MTIF2: variants seen among roughly 807,000 people sequenced by gnomAD.
MTIF2 encodes mitochondrial translational initiation factor 2.
MTIF2 carries 71 observed loss-of-function variants against 83.5 expected under a neutral mutation model. The observed-to-expected ratio is 0.85, with a 90% confidence interval of 0.70 to 1.04. The LOEUF is 1.04. Among genes scored for constraint, MTIF2 ranks in the 50% least tolerant of loss-of-function variants. The pLI is 0.00. For missense variants in MTIF2, 957 were observed against 846.5 expected, an observed-to-expected ratio of 1.13 and a Z score of -1.62; for synonymous variants, 319 against 287.1, an observed-to-expected ratio of 1.11 and a Z score of -1.12.
intron 3 of MTIF2, among the ~76,000 whole-genome samples, chr2:55,264,625 T>C (rs1376709788): frequency 1.3e-5 from 2 of 152,162 alleles, no homozygotes; most frequent in Non-Finnish European, 2.9e-5. Flanking sequence ...TGGTTTCTCA[T>C]CTCAGCTCTG....
intron 13 of MTIF2, among the ~76,000 whole-genome samples, chr2:55,241,941 G>A (rs1676346377): frequency 6.6e-6 from 1 of 151,898 alleles, no homozygotes; most frequent in South Asian, 2.1e-4. Flanking sequence ...TAGGTCAGGG[G>A]TTCAAGACCA....
chr2:55,254,584 C>T (rs1677368794), intron 6 of MTIF2, 70 bp downstream of exon 6: 2 of 1,272,224 alleles, frequency 1.6e-6, no homozygotes, highest in Non-Finnish European at 2.1e-6. Context: ...GCAAATCTTT[C>T]CATTAAAAAG....
In MTIF2 at chr2:55,236,668, A is replaced by T; in HGVS notation, c.2164T>A (p.Ser722Thr). 6.3e-7 allele frequency: 1 copy of T among 1,591,662 alleles called. No individual in the cohort carries two copies. The highest frequency in any genetic ancestry group is 8.5e-7 in the Non-Finnish European group (1 of 1,173,962). The change falls in exon 16 of 16, where the codon TCT becomes ACT. Residue 722 changes from serine (S) to threonine (T), a missense_variant. Ser to Thr is a moderately conservative substitution (Grantham distance 58). Coordinates refer to ENST00000263629, the MANE Select transcript of MTIF2 (RefSeq NM_002453.3). ...TAATTTTAAAATCCTGGATCCCAAGAAGTCTTGGCTTGAATTTGCTTTTCT... is the reference window on the plus strand; with the variant it reads ...TAATTTTAAAATCCTGGATCCCAAGTAGTCTTGGCTTGAATTTGCTTTTCT... ...YEEKQIQAKT[S>T]WDPGF
rs34174245 is a variant in MTIF2 at position 55,236,749 on chromosome 2, T to C, written c.2083A>G (p.Ser695Gly). Reference protein sequence around the residue: ...IVKTGMDCGLSLDEDNMEFQV... With the variant: ...IVKTGMDCGLGLDEDNMEFQV... ...AATTCCATATTGTCTTCATCTAAAC[T>C]GAGACCACAATCCATTCCCGTTTTG... The change falls in exon 16 of 16, where the codon AGT (serine) becomes GGT (glycine). Residue 695 changes from serine (S) to glycine (G), a missense_variant. Physicochemically the swap from Ser to Gly is moderately conservative, Grantham distance 56. Transcript: ENST00000263629. The C allele has an allele frequency of 1.2e-6, 2 of 1,612,322 alleles. No homozygotes were observed. Among genetic ancestry groups the C allele is most frequent in the Non-Finnish European group, 1.7e-6 (2 of 1,179,520 alleles).
At chr2:55,265,204 T>C (rs1396006675) in intron 3 of MTIF2, among the ~76,000 whole-genome samples, 2 of 150,312 alleles carry the variant, frequency 1.3e-5, no homozygotes, top group Admixed American at 6.7e-5. Flanking sequence ...GATCATGCCA[T>C]TGCACTCTAG....
intron 14 of MTIF2, among the ~76,000 whole-genome samples, chr2:55,238,497 T>G (rs12988617): frequency 0.19 from 28,854 of 150,896 alleles, 2,887 homozygotes; most frequent in East Asian, 0.34. Context: ...GTTCAAGCGA[T>G]TCTCCTGCCT....
Position 55,252,657 on chromosome 2 carries a change from T to C in MTIF2, c.665-4A>G. On this transcript the variant is annotated splice_polypyrimidine_tract_variant and splice_region_variant and intron_variant, in intron 7 of 15. Transcript: ENST00000263629. ...TTTTCCCCAGAAGGCAGAGAGACTGTGGAAACAGAAATTCAAGAACATCAA... is the reference window on the plus strand; with the variant it reads ...TTTTCCCCAGAAGGCAGAGAGACTGCGGAAACAGAAATTCAAGAACATCAA... The C allele has an allele frequency of 6.2e-7, 1 of 1,605,806 alleles. No homozygotes were observed. Among genetic ancestry groups the C allele is most frequent in the Non-Finnish European group, 8.5e-7 (1 of 1,174,972 alleles).
chr2:55,256,375 T>C (rs190775118), intron 5 of MTIF2, among the ~76,000 whole-genome samples: 165 of 152,220 alleles, frequency 1.1e-3, no homozygotes, highest in African/African-American at 3.7e-3. Flanking sequence ...TACTTGTTTA[T>C]GTATCTAGGG....
At chr2:55,241,611 G>C (rs1676317726) in intron 13 of MTIF2, among the ~76,000 whole-genome samples, 1 of 151,952 alleles carries the variant, frequency 6.6e-6, no homozygotes, top group Non-Finnish European at 1.5e-5. Flanking sequence ...GGGAGGCCGA[G>C]GTGGGTGGAT....
intron 14 of MTIF2, among the ~76,000 whole-genome samples, chr2:55,238,667 A>C (rs1325551179): frequency 1.3e-5 from 2 of 152,184 alleles, no homozygotes; most frequent in African/African-American, 2.4e-5. Context: ...CTGGGATTAC[A>C]GGCATGAGCC....
chr2:55,256,688 G>A lies in MTIF2; in HGVS notation c.332-1863C>T, dbSNP rs561866033. 7.9e-5 allele frequency among the ~76,000 whole-genome samples: 11 copies of A among 139,568 alleles called. No individual in the cohort carries two copies. The South Asian group carries it at 9.4e-4, about 12-fold the overall frequency. 91.6% of individuals were successfully genotyped at this position (139,568 alleles called of 152,430 possible). On this transcript the variant is annotated intron_variant, in intron 5 of 15. Transcript: ENST00000263629. Reference sequence around the variant, plus strand: ...TGCGCTCCAGCCTGGGTGACAGAGCGAGACTCCATCTCAAAAAAAAAAAAA... The same window carrying A: ...TGCGCTCCAGCCTGGGTGACAGAGCAAGACTCCATCTCAAAAAAAAAAAAA...
chr2:55,251,074 C>A (rs1351614644), intron 8 of MTIF2, among the ~76,000 whole-genome samples: 2 of 137,640 alleles, frequency 1.5e-5, no homozygotes, highest in Non-Finnish European at 3.0e-5. Flanking sequence ...TGCACCACTG[C>A]ACTCCAGCCT....
At chr2:55,261,400 A>G (rs1302231195) in intron 5 of MTIF2, among the ~76,000 whole-genome samples, 4 of 151,700 alleles carry the variant, frequency 2.6e-5, no homozygotes, top group Non-Finnish European at 5.9e-5. Context: ...GAGGTCAGGA[A>G]TTTGAGACAA....
rs769592912 is a variant in MTIF2 at position 55,243,678 on chromosome 2, G to C, written c.1312-10C>G. ...CTTCACGTGCCCTTGGCTTTATAGG[G>C]GAAAAACGTATTATTTAATGAAATA... On this transcript the variant is annotated splice_polypyrimidine_tract_variant and intron_variant, in intron 11 of 15. Coordinates refer to ENST00000263629, the MANE Select transcript of MTIF2 (RefSeq NM_002453.3). 5.6e-6 allele frequency: 9 copies of C among 1,607,028 alleles called. No homozygotes were observed. Among genetic ancestry groups the C allele is most frequent in the Non-Finnish European group, 7.6e-6 (9 of 1,177,554 alleles).
chr2:55,260,301 G>C (rs1239033133), intron 5 of MTIF2, among the ~76,000 whole-genome samples: 1 of 151,174 alleles, frequency 6.6e-6, no homozygotes, highest in Non-Finnish European at 1.5e-5. Flanking sequence ...CGGGAGGCTT[G>C]AGACAGGAGA....
chr2:55,251,337 G>A (rs1045553832), intron 8 of MTIF2, among the ~76,000 whole-genome samples: 4 of 151,906 alleles, frequency 2.6e-5, no homozygotes, highest in African/African-American at 9.7e-5. Flanking sequence ...GCAGTTTTGA[G>A]GAATTAAAAA....
intron 2 of MTIF2, among the ~76,000 whole-genome samples, chr2:55,268,248 C>T (rs1678583523): frequency 6.7e-6 from 1 of 149,086 alleles, no homozygotes; most frequent in Admixed American, 6.7e-5. Flanking sequence ...GAGACTCTGT[C>T]TAAAGAAAAA....
At chr2:55,246,201 ACT>A in intron 10 of MTIF2, 134 bp downstream of exon 10, 1 of 1,062,582 alleles carries the variant, frequency 9.4e-7, no homozygotes, top group Non-Finnish European at 1.3e-6. Context: ...ACAATAAAAT[ACT>A]TTTTAAAACA....
chr2:55,258,953 C>T (rs1677753475), intron 5 of MTIF2, among the ~76,000 whole-genome samples: 1 of 152,006 alleles, frequency 6.6e-6, no homozygotes, highest in Non-Finnish European at 1.5e-5. Context: ...GCACTCCAGC[C>T]TGCACAACAA....
Sources: allele counts gnomAD v4.1 joint callset (sites outside exome capture counted in the v4.1 genomes callset), GRCh38; gene constraint gnomAD v4.1.1; transcripts MANE v1.5; gene names NCBI Gene and HGNC (gene_info 2026-07-23, HGNC 2026-07-21).